PPFIA2: variants seen among roughly 807,000 people sequenced by gnomAD.
PPFIA2 encodes the protein liprin-alpha-2.
A neutral mutation model predicts 175.5 loss-of-function variants in PPFIA2; 46 were observed. That is an observed-to-expected ratio of 0.26 (90% confidence interval 0.21 to 0.34). PPFIA2 has a LOEUF of 0.34. Among genes scored for constraint, PPFIA2 ranks in the 10% least tolerant of loss-of-function variants. The probability of loss-of-function intolerance (pLI) is 1.00; values close to 1 mark genes in which losing one functional copy is unlikely to be tolerated. For missense variants in PPFIA2, 1,179 were observed against 1,506.1 expected (o/e 0.78, Z 3.60); for synonymous variants, 568 against 511.4 (o/e 1.11, Z -1.49).
At chr12:81,492,084 G>A (rs17008619) in intron 4 of PPFIA2, among the ~76,000 whole-genome samples, 3 of 151,748 alleles carry the variant, frequency 2.0e-5, no homozygotes, top group Non-Finnish European at 4.4e-5. Flanking sequence ...AAAGAGTTTT[G>A]TGTGCCTGAC....
chr12:81,712,390 T>C (rs549768386), intron 3 of PPFIA2, among the ~76,000 whole-genome samples: 27 of 151,494 alleles, frequency 1.8e-4, no homozygotes, highest in African/African-American at 6.5e-4. Context: ...ACAAAGAATA[T>C]TTTTTCTGTA....
intron 4 of PPFIA2, among the ~76,000 whole-genome samples, chr12:81,486,802 C>T (rs1392632481): frequency 6.6e-6 from 1 of 151,694 alleles, no homozygotes; most frequent in Non-Finnish European, 1.5e-5. Flanking sequence ...ATTTTTTAGT[C>T]CACCTCAAGA....
chr12:81,628,376 C>CTTTTTTTT (rs11304359), intron 4 of PPFIA2, among the ~76,000 whole-genome samples: 7 of 111,674 alleles, frequency 6.3e-5, no homozygotes, highest in Non-Finnish European at 1.1e-4. Flanking sequence ...TTTCTTTTAC[C>CTTTTTTTT]TTTTTTTTTT....
intron 5 of PPFIA2, among the ~76,000 whole-genome samples, chr12:81,451,987 G>T (rs2052670938): frequency 6.6e-6 from 1 of 152,034 alleles, no homozygotes; most frequent in Non-Finnish European, 1.5e-5. Flanking sequence ...ACTCTCTTTG[G>T]TATACTCAAA....
At chr12:81,343,721 G>A (rs890225801) in intron 19 of PPFIA2, among the ~76,000 whole-genome samples, 1 of 152,102 alleles carries the variant, frequency 6.6e-6, no homozygotes, top group East Asian at 1.9e-4. Context: ...GTCATTTTGT[G>A]AATCAGAACT....
intron 8 of PPFIA2, among the ~76,000 whole-genome samples, chr12:81,393,298 T>C (rs555123773): frequency 5.6e-4 from 86 of 152,236 alleles, no homozygotes; most frequent in African/African-American, 2.0e-3. Flanking sequence ...ATTTTGTGTA[T>C]ATTGAGTTTA....
rs141724405 is a variant in PPFIA2 at position 81,375,757 on chromosome 12, C to T, written c.1131+39G>A. The T allele has an allele frequency of 9.8e-3, 15,254 of 1,551,504 alleles. 936 individuals carry two copies. The Admixed American group carries it at 0.16, about 16-fold the overall frequency. Reference sequence around the variant, plus strand: ...CTCCGTTTTGTGAGAATGATGAGAACGCACAGACCAGAAGAAAACCAAGAC... The same window carrying T: ...CTCCGTTTTGTGAGAATGATGAGAATGCACAGACCAGAAGAAAACCAAGAC... On this transcript the variant is annotated intron_variant, in intron 10 of 32. Coordinates refer to ENST00000549396, the MANE Select transcript of PPFIA2 (RefSeq NM_003625.5).
Position 81,457,861 on chromosome 12 carries a change from A to G in PPFIA2, c.309T>C (p.Phe103=). 1 of 1,571,710 alleles carries G rather than the reference A, an allele frequency of 6.4e-7. No individual in the cohort carries two copies. Among genetic ancestry groups the G allele is most frequent in the South Asian group, 1.2e-5 (1 of 83,850 alleles). The change falls in exon 5 of 33, where the codon TTT becomes TTC. Residue 103 remains phenylalanine (F), a synonymous_variant. Coordinates refer to ENST00000549396, the MANE Select transcript of PPFIA2 (RefSeq NM_003625.5). The part of the protein sequence containing the change: ...AGSKGADPPE[F]AALTKELNAC... ...CATTTAATTCTTTTGTCAGTGCAGC[A>G]AATTCCTGGAAAAGTAATAAAAATA...
chr12:81,349,960 C>G (rs1013426582), intron 17 of PPFIA2, among the ~76,000 whole-genome samples: 1 of 152,102 alleles, frequency 6.6e-6, no homozygotes, highest in African/African-American at 2.4e-5. Context: ...TAGCAGTTCA[C>G]CTGGTTTGAA....
chr12:81,651,982 T>C (rs1230065320), intron 4 of PPFIA2, among the ~76,000 whole-genome samples: 1 of 151,930 alleles, frequency 6.6e-6, no homozygotes, highest in Non-Finnish European at 1.5e-5. Context: ...TTTCTGCCAA[T>C]AACAAGATGC....
rs556238170 is a variant in PPFIA2, at chr12:81,625,165, C to A, written c.303+51626G>T. Among the ~76,000 whole-genome samples, 14 of 151,542 alleles carry A rather than the reference C, an allele frequency of 9.2e-5. No individual in the cohort carries two copies. In the East Asian group the frequency reaches 1.9e-3, roughly 21 times the overall value. ...TACATATATACACACATATATATAT[C>A]TGTATGACTACATAAGTATGCTGTA... On this transcript the variant is annotated intron_variant, in intron 4 of 32. Coordinates refer to ENST00000549396, the MANE Select transcript of PPFIA2 (RefSeq NM_003625.5).
intron 7 of PPFIA2, among the ~76,000 whole-genome samples, chr12:81,419,337 G>A (rs1309938003): frequency 6.6e-6 from 1 of 151,970 alleles, no homozygotes; most frequent in Non-Finnish European, 1.5e-5. Context: ...ATGAAAAAAA[G>A]AAAATCAGTT....
chr12:81,382,950 G>A (rs905849682), intron 9 of PPFIA2, among the ~76,000 whole-genome samples: 10 of 152,080 alleles, frequency 6.6e-5, no homozygotes, highest in Admixed American at 5.9e-4. Context: ...CAGTAAAGGA[G>A]CCTTCGAAGA....
chr12:81,287,934 T>A (rs1209248746), intron 24 of PPFIA2, among the ~76,000 whole-genome samples: 1 of 151,880 alleles, frequency 6.6e-6, no homozygotes, highest in Non-Finnish European at 1.5e-5. Flanking sequence ...CTTAAAATTA[T>A]CTACTCACTG....
At chr12:81,406,012 C>T (rs1592491828) in intron 7 of PPFIA2, 109 bp from the exon 8 acceptor site, 2 of 560,738 alleles carry the variant, frequency 3.6e-6, no homozygotes, top group East Asian at 3.1e-5. Context: ...TAACAAATAA[C>T]CAGAAAGTGA....
intron 22 of PPFIA2, chr12:81,312,138 C>T (rs1275449592): frequency 6.5e-7 from 1 of 1,533,824 alleles, no homozygotes; most frequent in Non-Finnish European, 8.7e-7. Context: ...ACATGTTCAG[C>T]AGCCATTGTG....
chr12:81,570,875 A>G (rs74858613), intron 4 of PPFIA2, among the ~76,000 whole-genome samples: 1 of 152,032 alleles, frequency 6.6e-6, no homozygotes, highest in African/African-American at 2.4e-5. Context: ...CTAACTGAAG[A>G]TATGATCTCT....
At chr12:81,521,229 A>G (rs142702800) in intron 4 of PPFIA2, among the ~76,000 whole-genome samples, 1,572 of 152,222 alleles carry the variant, frequency 0.01, 53 homozygotes, top group Admixed American at 0.061. Context: ...TGCGGTGTAA[A>G]GATCGCTACC....
intron 7 of PPFIA2, among the ~76,000 whole-genome samples, chr12:81,425,415 G>C (rs1158293278): frequency 6.6e-6 from 1 of 152,158 alleles, no homozygotes. Flanking sequence ...CGCAATCTTG[G>C]CTCACTGCAA....
Sources: gnomAD v4.1 joint callset for allele counts (sites outside exome capture counted in the v4.1 genomes callset) on GRCh38, gnomAD v4.1.1 for gene constraint, MANE v1.5 for transcripts, NCBI Gene and HGNC (gene_info 2026-07-23, HGNC 2026-07-21) for gene names.